The following DPRX variants were observed in gnomAD, a reference collection of about 807,000 sequenced individuals.
DPRX encodes the protein divergent-paired related homeobox, also known as divergent paired-related homeobox.
Under a neutral mutation model 8.4 loss-of-function variants are expected in DPRX, and 11 were observed. The ratio of observed to expected loss-of-function variants is 1.31; its 90% CI spans 0.82 to 2.17. The LOEUF (loss-of-function observed/expected upper bound fraction) is 2.17. Ranked by LOEUF, DPRX falls within the 30% of genes most tolerant of loss-of-function variation. The probability of loss-of-function intolerance (pLI) is 0.00; values close to 1 mark genes in which losing one functional copy is unlikely to be tolerated. For missense variants in DPRX, 211 were observed against 236.7 expected (o/e 0.89, Z 0.71); for synonymous variants, 72 against 87.0 (o/e 0.83, Z 0.96).
rs140829869 is a variant in DPRX at position 53,636,709 on chromosome 19, C to T, written c.297C>T (p.Val99=). Residue 99 remains valine, a synonymous_variant, in exon 3 of 3, where the codon GTC becomes GTT. Coordinates refer to ENST00000376650, the Ensembl canonical transcript of DPRX. ...CAGAGGGTGGGGTCTCCACCAGTGT[C>T]GGCCTGAGAAATGCAGACACACTAC... 47 of 1,614,000 alleles carry T rather than the reference C, an allele frequency of 2.9e-5. No individual in the cohort carries two copies. The African/African-American group carries it at 3.9e-4, about 13-fold the overall frequency.
chr19:53,605,016 TTAA>T, the DPRX span, among the ~76,000 whole-genome samples: 5 of 152,212 alleles, frequency 3.3e-5, no homozygotes, highest in East Asian at 5.8e-4. Flanking sequence ...ATTGTGTTAA[TTAA>T]TAATAGGAAT....
the DPRX span, among the ~76,000 whole-genome samples, chr19:53,620,271 A>T: frequency 6.6e-6 from 1 of 151,600 alleles, no homozygotes; most frequent in East Asian, 2.0e-4. Context: ...GGGTTTCACC[A>T]TGTTAGCCAG....
chr19:53,625,499 T>C, the DPRX span, among the ~76,000 whole-genome samples: 1 of 152,046 alleles, frequency 6.6e-6, no homozygotes, highest in African/African-American at 2.4e-5. Flanking sequence ...CAAGCAGTGG[T>C]CTGAGGATAG....
chr19:53,606,322 G>A, the DPRX span: 2 of 152,280 alleles, frequency 1.3e-5, no homozygotes, highest in East Asian at 3.9e-4. This position sits in a 1 kb window ranked among gnomAD's most constrained non-coding sequence, Gnocchi z 4.8. Flanking sequence ...GGAAGCAAGA[G>A]GGACTGGGGC....
chr19:53,634,793 C>T (rs1479245747), intron 2 of DPRX, 108 bp downstream of exon 2: 3 of 1,412,798 alleles, frequency 2.1e-6, no homozygotes, highest in Non-Finnish European at 2.8e-6. Context: ...CAATATTCCC[C>T]AAACCCACAC....
chr19:53,604,843 C>CA, the DPRX span, among the ~76,000 whole-genome samples: 20,475 of 94,246 alleles, frequency 0.22, 1,432 homozygotes, highest in Middle Eastern at 0.32. Flanking sequence ...ACTCTGTCTC[C>CA]AAAAAAAAAA....
At chr19:53,621,170 T>C in the DPRX span, among the ~76,000 whole-genome samples, 1 of 152,112 alleles carries the variant, frequency 6.6e-6, no homozygotes, top group African/African-American at 2.4e-5. Flanking sequence ...TCTCACTGTG[T>C]CACCCAGGCT....
chr19:53,636,817 C>G, exon 3 of DPRX: 1 of 1,614,140 alleles, frequency 6.2e-7, no homozygotes, highest in Non-Finnish European at 8.5e-7. Flanking sequence ...TCCTGTACCC[C>G]AACCTCAAGG....
chr19:53,627,391 C>G (rs2091075324), upstream of DPRX, among the ~76,000 whole-genome samples: 1 of 151,466 alleles, frequency 6.6e-6, no homozygotes, highest in Non-Finnish European at 1.5e-5. Context: ...AGTGGAAGAA[C>G]TCCTGGAGAA....
the DPRX span, among the ~76,000 whole-genome samples, chr19:53,611,231 A>C: frequency 6.6e-6 from 1 of 152,036 alleles, no homozygotes; most frequent in Admixed American, 6.6e-5. Flanking sequence ...AAAACAAAAA[A>C]TCCTTTTTGC....
the DPRX span, among the ~76,000 whole-genome samples, chr19:53,615,760 A>C: frequency 6.3e-3 from 961 of 151,986 alleles, 15 homozygotes; most frequent in African/African-American, 0.022. Context: ...TAATATAATG[A>C]AAAGTTCGAT....
chr19:53,625,977 C>T, the DPRX span, among the ~76,000 whole-genome samples: 1 of 151,898 alleles, frequency 6.6e-6, no homozygotes, highest in Non-Finnish European at 1.5e-5. Flanking sequence ...CACTCTGTCA[C>T]CCAGGCTAGA....
the DPRX span, among the ~76,000 whole-genome samples, chr19:53,613,075 T>C: frequency 6.6e-6 from 1 of 152,164 alleles, no homozygotes; most frequent in Non-Finnish European, 1.5e-5. Flanking sequence ...CTGGTGTCTA[T>C]GGCTCACTTT....
At chr19:53,621,878 C>T in the DPRX span, among the ~76,000 whole-genome samples, 8 of 152,232 alleles carry the variant, frequency 5.3e-5, no homozygotes, top group African/African-American at 1.9e-4. Flanking sequence ...TTAAAATTTT[C>T]AATACAATAT....
At chr19:53,602,534 TA>T in the DPRX span, among the ~76,000 whole-genome samples, 1 of 143,984 alleles carries the variant, frequency 6.9e-6, no homozygotes, top group Non-Finnish European at 1.5e-5. Context: ...TAATTTTTTG[TA>T]TTTTTTTTTT....
At chr19:53,608,953 CAAAAAAAA>C in the DPRX span, among the ~76,000 whole-genome samples, 50 of 76,924 alleles carry the variant, frequency 6.5e-4, no homozygotes, top group South Asian at 6.2e-3. Flanking sequence ...GAGACTCCGT[CAAAAAAAA>C]AAAAAAAAAA....
chr19:53,620,456 G>C, the DPRX span, among the ~76,000 whole-genome samples: 12,609 of 151,462 alleles, frequency 0.083, 681 homozygotes, highest in East Asian at 0.26. Flanking sequence ...TCTGCCCCCT[G>C]GGTTCAAGAG....
intron 1 of DPRX, among the ~76,000 whole-genome samples, chr19:53,632,899 C>A (rs1335409600): frequency 2.0e-5 from 3 of 152,118 alleles, no homozygotes; most frequent in Non-Finnish European, 4.4e-5. Context: ...TGATTAGGTC[C>A]TAGATAGAAT....
In DPRX at chr19:53,632,394, A is replaced by G. The variant is rs111806749; in HGVS notation, c.28+260A>G. Among the ~76,000 whole-genome samples, 960 of 151,960 alleles carry G rather than the reference A, an allele frequency of 6.3e-3. 18 individuals are homozygous for G. Among genetic ancestry groups the G allele is most frequent in the African/African-American group, 0.022 (924 of 41,458 alleles). ...CGGCTCACTGCAACCTCCACCTCCCAGGTTCAAGCAATTCTCCTGCCTCAG... is the reference window on the plus strand; with the variant it reads ...CGGCTCACTGCAACCTCCACCTCCCGGGTTCAAGCAATTCTCCTGCCTCAG... On this transcript the variant is annotated intron_variant, in intron 1 of 2. Transcript: ENST00000376650.
Sources: allele counts gnomAD v4.1 joint callset (sites outside exome capture counted in the v4.1 genomes callset), GRCh38; gene constraint gnomAD v4.1.1; non-coding constraint Gnocchi (gnomAD v3.1); transcripts MANE v1.5; gene names NCBI Gene and HGNC (gene_info 2026-07-23, HGNC 2026-07-21).